The following TSN variants were observed in gnomAD, a reference collection of about 807,000 sequenced individuals.
TSN encodes the protein component 3 of promoter of RISC.
In TSN, 5 loss-of-function variants were observed where a neutral mutation model predicts 29.4. The observed-to-expected ratio is 0.17, with a 90% CI of 0.09 to 0.36. The LOEUF is 0.36. Among genes scored for constraint, TSN ranks in the 10% least tolerant of loss-of-function variants. The probability of loss-of-function intolerance (pLI) is 1.00; values close to 1 mark genes in which losing one functional copy is unlikely to be tolerated. For missense variants in TSN, 159 were observed against 272.8 expected (o/e 0.58, Z 2.94); for synonymous variants, 106 against 102.2 (o/e 1.04, Z -0.23).
intron 5 of TSN, among the ~76,000 whole-genome samples, chr2:121,764,793 G>T (rs1026755098): frequency 2.6e-5 from 4 of 152,194 alleles, no homozygotes; most frequent in African/African-American, 9.7e-5. Context: ...AGAGGTAGTG[G>T]AGCTGCTGTG....
At chr2:121,756,454 A>C (rs879593182) in intron 1 of TSN, 1 of 252,552 alleles carries the variant, frequency 4.0e-6, no homozygotes, top group Non-Finnish European at 8.6e-6. Context: ...GTTTTCTAGT[A>C]GCACATTAAC....
Position 121,755,862 on chromosome 2 carries a change from C to T in TSN, c.66+17C>T, listed in dbSNP as rs776540454. 4 of 1,613,924 alleles carry T rather than the reference C, an allele frequency of 2.5e-6. No individual in the cohort carries two copies. The highest frequency in any genetic ancestry group is 1.1e-5 in the South Asian group (1 of 91,074). ...ATCCGAGAGGCGAGCCCCCTCCCTT[C>T]CCCATTCCCTTTGCCTTTCCATGCC... On this transcript the variant is annotated intron_variant, in intron 1 of 5. Coordinates refer to ENST00000389682, the MANE Select transcript of TSN (RefSeq NM_004622.3).
chr2:121,764,083 A>G (rs2074870865), intron 5 of TSN, among the ~76,000 whole-genome samples: 1 of 152,164 alleles, frequency 6.6e-6, no homozygotes, highest in African/African-American at 2.4e-5. Context: ...ATTTCTTTGA[A>G]GTTGTACACA....
At position 121,766,591 on chromosome 2, in the gene TSN, T is replaced by A. The variant is rs1037308445; in HGVS notation, c.*1224T>A. 2 of 152,190 alleles carry A rather than the reference T, an allele frequency of 1.3e-5. No homozygotes were observed. Among genetic ancestry groups the A allele is most frequent in the African/African-American group, 4.8e-5 (2 of 41,448 alleles). 9.4% of individuals were successfully genotyped at this position (152,190 alleles called of 1,614,324 possible). ...GGGCAAGTCATGTAAATACTGTTGG[T>A]GGTCTTCCCCACACGCCCCAATTTT... On this transcript the variant is annotated 3_prime_UTR_variant, in exon 6 of 6. Transcript: ENST00000389682.
At position 121,765,120 on chromosome 2, in the gene TSN, C is replaced by CT; in HGVS notation, c.454-11dup. The CT allele has an allele frequency of 1.2e-6, 2 of 1,612,824 alleles. No homozygotes were observed. Among genetic ancestry groups the CT allele is most frequent in the Admixed American group, 3.3e-5 (2 of 59,906 alleles). ...ATGTTGTAACAAGCCCCTGTTTTCTCTTTCCTGGTACAGTCGAGGCTGTCT... is the reference window on the plus strand; with the variant it reads ...ATGTTGTAACAAGCCCCTGTTTTCTCTTTTCCTGGTACAGTCGAGGCTGTCT... On this transcript the variant is annotated splice_polypyrimidine_tract_variant and intron_variant, in intron 5 of 5. Coordinates refer to ENST00000389682, the MANE Select transcript of TSN (RefSeq NM_004622.3).
At chr2:121,756,441 T>TA in intron 1 of TSN, 1 of 256,864 alleles carries the variant, frequency 3.9e-6, no homozygotes, top group Non-Finnish European at 8.5e-6. Flanking sequence ...TATTTCCTGT[T>TA]ATGTTTTCTA....
chr2:121,757,185 A>C, intron 1 of TSN, 55 bp from the exon 2 acceptor site: 1 of 1,500,018 alleles, frequency 6.7e-7, no homozygotes, highest in Non-Finnish European at 9.2e-7. Flanking sequence ...GTTTTGTGTG[A>C]GTGTATGACA....
chr2:121,756,536 G>A (rs2074750927), intron 1 of TSN: 2 of 777,208 alleles, frequency 2.6e-6, no homozygotes, highest in Non-Finnish European at 3.8e-6. Flanking sequence ...ACCGCCAGAG[G>A]GAAGGGATTG....
At chr2:121,758,168 T>C (rs1252003281) in intron 2 of TSN, among the ~76,000 whole-genome samples, 2 of 152,178 alleles carry the variant, frequency 1.3e-5, no homozygotes, top group African/African-American at 4.8e-5. Flanking sequence ...TGAATGAAAA[T>C]AAAATATGTC....
At chr2:121,765,007 T>G in intron 5 of TSN, 127 bp from the exon 6 acceptor site, 1 of 810,798 alleles carries the variant, frequency 1.2e-6, no homozygotes, top group Admixed American at 2.1e-5. Context: ...TGTACTTGTG[T>G]GTACCCTGAG....
At chr2:121,764,993 T>C in intron 5 of TSN, 141 bp from the exon 6 acceptor site, 1 of 738,196 alleles carries the variant, frequency 1.4e-6, no homozygotes, top group Non-Finnish European at 2.3e-6. Context: ...GCTCCTGTCT[T>C]GTCTGTACTT....
rs948266246 is a variant in TSN, at chr2:121,761,330, C to G, written c.258-79C>G. ...TTGAAAAATGATCGCATTTCTAAAC[C>G]GTTTGAACATGGCTGTATTAAACCC... is the stretch of plus-strand genomic sequence containing the variant. On this transcript the variant is annotated intron_variant, in intron 3 of 5. Coordinates refer to ENST00000389682, the MANE Select transcript of TSN (RefSeq NM_004622.3). 16 of 915,950 alleles carry G rather than the reference C, an allele frequency of 1.7e-5. No homozygotes were observed. In the Admixed American group the frequency reaches 2.3e-4, roughly 13 times the overall value. 56.7% of individuals were successfully genotyped at this position (915,950 alleles called of 1,614,324 possible).
intron 1 of TSN, chr2:121,756,686 C>G (rs1006175341): frequency 1.6e-6 from 2 of 1,267,342 alleles, no homozygotes; most frequent in Non-Finnish European, 2.1e-6. Flanking sequence ...GGCCAGATCA[C>G]CTGAGGTAAG....
In TSN at chr2:121,755,699, G is replaced by A; in HGVS notation, c.-81G>A. ...ACGCGGCGGTAGCGGCGGCCGTTGC[G>A]ATTGATTGCGCTGGTTGCCTGCGGC... On this transcript the variant is annotated 5_prime_UTR_variant, in exon 1 of 6. Transcript: ENST00000389682. 6.3e-7 allele frequency: 1 copy of A among 1,576,244 alleles called. No homozygotes were observed. Among genetic ancestry groups the A allele is most frequent in the East Asian group, 2.2e-5 (1 of 44,540 alleles).
rs751736150 is a variant in TSN, at chr2:121,761,617, C to T, written c.373+93C>T. 1.5e-5 allele frequency: 15 copies of T among 977,762 alleles called. No homozygotes were observed. In the African/African-American group the frequency reaches 2.1e-4, roughly 14 times the overall value. The allele number at this position is 977,762 out of a possible 1,614,324, so 60.6% of individuals were successfully genotyped here. A position where few individuals can be genotyped will look rare whatever the true frequency, so the allele number is the denominator to read the frequency against. ...GTTGTACTTTGTTTATTAAAACAAA[C>T]AAGAATTAACTAAAAACCACTTATA... On this transcript the variant is annotated intron_variant, in intron 4 of 5. Coordinates refer to ENST00000389682, the MANE Select transcript of TSN (RefSeq NM_004622.3).
At chr2:121,759,262 G>T (rs1335373199) in intron 3 of TSN, among the ~76,000 whole-genome samples, 1 of 152,132 alleles carries the variant, frequency 6.6e-6, no homozygotes, top group African/African-American at 2.4e-5. Flanking sequence ...TTGATTTTAA[G>T]ATACACCATT....
At chr2:121,763,983 T>C (rs1011839920) in intron 5 of TSN, among the ~76,000 whole-genome samples, 7 of 152,234 alleles carry the variant, frequency 4.6e-5, no homozygotes, top group African/African-American at 1.4e-4. Context: ...TTCTTTCTTA[T>C]GTTCCAGAAC....
chr2:121,764,830 A>G (rs982109998), intron 5 of TSN, among the ~76,000 whole-genome samples: 1 of 152,230 alleles, frequency 6.6e-6, no homozygotes, highest in Non-Finnish European at 1.5e-5. Context: ...TTTCTTCGAT[A>G]TGATAGCAGA....
chr2:121,758,740 AT>A lies in TSN; in HGVS notation c.195del (p.Phe65LeufsTer4). 6.3e-7 allele frequency: 1 copy of A among 1,588,520 alleles called. No individual in the cohort carries two copies. Among genetic ancestry groups the A allele is most frequent in the Non-Finnish European group, 8.6e-7 (1 of 1,169,480 alleles). ...AAGAGGTGTTTGAAAGCTCGAGAACATTTTGGTACAGTAAAAACACATCTAA... is the reference window on the plus strand; with the variant it reads ...AAGAGGTGTTTGAAAGCTCGAGAACATTTGGTACAGTAAAAACACATCTAA... ...IPKRCLKARE[H>X]FGTVKTHLTS... On this transcript the variant is annotated frameshift_variant, in exon 3 of 6. Transcript: ENST00000389682. LOFTEE classifies it high-confidence loss of function.
Sources: allele counts gnomAD v4.1 joint callset (sites outside exome capture counted in the v4.1 genomes callset), GRCh38; gene constraint gnomAD v4.1.1; transcripts MANE v1.5; gene names NCBI Gene and HGNC (gene_info 2026-07-23, HGNC 2026-07-21).